DLG2: variants seen among roughly 807,000 people sequenced by gnomAD.
DLG2 encodes the protein disks large homolog 2.
A neutral mutation model predicts 132.5 loss-of-function variants in DLG2; 45 were observed. The ratio of observed to expected loss-of-function variants is 0.34; its 90% CI spans 0.27 to 0.44. The LOEUF (loss-of-function observed/expected upper bound fraction) is 0.44. Ranked by LOEUF, DLG2 falls within the 20% of genes least tolerant of loss-of-function variation. The pLI is 1.00. For missense variants in DLG2, 1,045 were observed against 1,196.9 expected (o/e 0.87, Z 1.87); for synonymous variants, 424 against 419.6 (o/e 1.01, Z -0.13).
chr11:83,878,058 C>T (rs901789198), intron 15 of DLG2, among the ~76,000 whole-genome samples: 3 of 152,198 alleles, frequency 2.0e-5, no homozygotes, highest in African/African-American at 7.2e-5. Flanking sequence ...ATTCTGAGAA[C>T]TGTTGTAGAA....
At chr11:83,501,270 C>G (rs1431617562) in intron 21 of DLG2, among the ~76,000 whole-genome samples, 1 of 148,536 alleles carries the variant, frequency 6.7e-6, no homozygotes, top group Non-Finnish European at 1.5e-5. Context: ...GCTACCTAAT[C>G]CCTCACAATA....
intron 3 of DLG2, among the ~76,000 whole-genome samples, chr11:85,290,031 C>T (rs538910151): frequency 6.6e-6 from 1 of 152,260 alleles, no homozygotes; most frequent in South Asian, 2.1e-4. Context: ...CATATATTCT[C>T]TAGTATCTAG....
At chr11:84,093,605 C>CATTTTT (rs768742786) in intron 10 of DLG2, among the ~76,000 whole-genome samples, 1 of 151,946 alleles carries the variant, frequency 6.6e-6, no homozygotes, top group African/African-American at 2.4e-5. Context: ...TGGGGAGTGG[C>CATTTTT]ATTTTTATTT....
intron 14 of DLG2, among the ~76,000 whole-genome samples, chr11:83,958,970 C>A (rs1413841513): frequency 6.6e-6 from 1 of 152,028 alleles, no homozygotes; most frequent in African/African-American, 2.4e-5. Flanking sequence ...TTACTTATGG[C>A]CCTTTCTATT....
chr11:84,635,112 A>G (rs1427206058), intron 6 of DLG2, among the ~76,000 whole-genome samples: 1 of 152,204 alleles, frequency 6.6e-6, no homozygotes, highest in African/African-American at 2.4e-5. Context: ...AAAGCAAAAC[A>G]ATAACAACAA....
At chr11:85,454,884 T>C (rs1173858883) in intron 3 of DLG2, among the ~76,000 whole-genome samples, 1 of 152,144 alleles carries the variant, frequency 6.6e-6, no homozygotes, top group African/African-American at 2.4e-5. Flanking sequence ...GTTTCATTGG[T>C]CTATGTGTCT....
At chr11:84,112,682 C>A (rs1044089178) in intron 9 of DLG2, among the ~76,000 whole-genome samples, 1 of 152,102 alleles carries the variant, frequency 6.6e-6, no homozygotes, top group African/African-American at 2.4e-5. Flanking sequence ...TGGTAACATG[C>A]GATTAACCAA....
At chr11:85,617,279 C>A (rs2081401686) in intron 2 of DLG2, among the ~76,000 whole-genome samples, 1 of 152,026 alleles carries the variant, frequency 6.6e-6, no homozygotes, top group African/African-American at 2.4e-5. Flanking sequence ...AGTTCAAGGC[C>A]AAAAAACAAG....
intron 3 of DLG2, among the ~76,000 whole-genome samples, chr11:85,485,479 G>A (rs572188624): frequency 3.1e-4 from 47 of 152,284 alleles, no homozygotes; most frequent in African/African-American, 1.1e-3. Flanking sequence ...TCCATGAAAA[G>A]GAACCAGAAT....
At chr11:84,305,946 A>C (rs1437739536) in intron 7 of DLG2, among the ~76,000 whole-genome samples, 1 of 152,188 alleles carries the variant, frequency 6.6e-6, no homozygotes, top group Non-Finnish European at 1.5e-5. Flanking sequence ...ATGGCAATCA[A>C]ATAAAATATT....
intron 18 of DLG2, among the ~76,000 whole-genome samples, chr11:83,737,749 C>T (rs1033041642): frequency 3.9e-5 from 6 of 152,104 alleles, no homozygotes; most frequent in East Asian, 1.9e-4. Context: ...GTCAGGAGAT[C>T]GAGACCATCT....
At chr11:83,761,428 G>A (rs1471139548) in intron 18 of DLG2, among the ~76,000 whole-genome samples, 1 of 152,184 alleles carries the variant, frequency 6.6e-6, no homozygotes, top group Non-Finnish European at 1.5e-5. Context: ...CCAATCCCAA[G>A]TTGATGCCTT....
chr11:84,044,390 G>C (rs1644945165), intron 11 of DLG2, among the ~76,000 whole-genome samples: 1 of 151,718 alleles, frequency 6.6e-6, no homozygotes, highest in Non-Finnish European at 1.5e-5. Flanking sequence ...TATTTGCTCT[G>C]ATATAACGCA....
At chr11:85,117,723 A>G (rs1433892896) in intron 5 of DLG2, among the ~76,000 whole-genome samples, 1 of 151,944 alleles carries the variant, frequency 6.6e-6, no homozygotes, top group African/African-American at 2.4e-5. Context: ...GTCCTGTCTG[A>G]AGACCCCACA....
chr11:84,741,268 G>A (rs1018741674), intron 6 of DLG2, among the ~76,000 whole-genome samples: 2 of 151,362 alleles, frequency 1.3e-5, no homozygotes, highest in Non-Finnish European at 1.5e-5. Context: ...GGGTTTCACC[G>A]TGGTCTCGAT....
At chr11:85,019,613 T>TC (rs1218460613) in intron 6 of DLG2, among the ~76,000 whole-genome samples, 1 of 152,042 alleles carries the variant, frequency 6.6e-6, no homozygotes, top group Non-Finnish European at 1.5e-5. Context: ...ATGCTATACC[T>TC]CCCCTCTCCA....
intron 4 of DLG2, among the ~76,000 whole-genome samples, chr11:85,171,919 C>T (rs761090587): frequency 1.3e-5 from 2 of 152,218 alleles, no homozygotes; most frequent in Non-Finnish European, 2.9e-5. Flanking sequence ...GGAATTACAG[C>T]AACTTCAGCC....
intron 7 of DLG2, among the ~76,000 whole-genome samples, chr11:84,428,343 T>C (rs1050735431): frequency 2.6e-5 from 4 of 152,196 alleles, no homozygotes; most frequent in African/African-American, 9.6e-5. Context: ...AACCACTCCT[T>C]ATTAGACATC....
chr11:84,467,732 A>G (rs2099098205), intron 7 of DLG2, among the ~76,000 whole-genome samples: 1 of 151,510 alleles, frequency 6.6e-6, no homozygotes, highest in Non-Finnish European at 1.5e-5. Context: ...TAGCTATTAA[A>G]TAATGTTAGA....
Sources: allele counts gnomAD v4.1 joint callset (sites outside exome capture counted in the v4.1 genomes callset), GRCh38; gene constraint gnomAD v4.1.1; transcripts MANE v1.5; gene names NCBI Gene and HGNC (gene_info 2026-07-23, HGNC 2026-07-21).